DENND1B: variants seen among roughly 807,000 people sequenced by gnomAD.
DENND1B encodes the protein DENN domain-containing protein 1B.
DENND1B carries 59 observed loss-of-function variants against 90.1 expected under a neutral mutation model. The observed-to-expected ratio is 0.65, with a 90% CI of 0.53 to 0.81. The LOEUF (loss-of-function observed/expected upper bound fraction) is 0.81, where lower values mean the gene tolerates loss of function less well. Ranked by LOEUF, DENND1B falls within the 40% of genes least tolerant of loss-of-function variation. The probability of loss-of-function intolerance (pLI) is 0.00; values close to 1 mark genes in which losing one functional copy is unlikely to be tolerated. For synonymous variants in DENND1B, 337 were observed against 324.6 expected (o/e 1.04, Z -0.41); for missense variants, 862 against 912.6 (o/e 0.94, Z 0.71).
At chr1:197,577,547 A>C (rs189027274) in intron 15 of DENND1B, among the ~76,000 whole-genome samples, 9 of 152,336 alleles carry the variant, frequency 5.9e-5, no homozygotes, top group Admixed American at 5.9e-4. Context: ...ATGTATGGTA[A>C]GATGAGCAGA....
chr1:197,546,817 A>G (rs1284887501), intron 16 of DENND1B, 44 bp from the exon 17 acceptor site: 8 of 1,510,318 alleles, frequency 5.3e-6, no homozygotes, highest in Non-Finnish European at 7.1e-6. Flanking sequence ...TTGATCAAAA[A>G]TAAATCTGTA....
intron 20 of DENND1B, among the ~76,000 whole-genome samples, chr1:197,528,923 G>T (rs1669349606): frequency 6.6e-6 from 1 of 151,404 alleles, no homozygotes; most frequent in Admixed American, 6.6e-5. Context: ...AAAACTATTA[G>T]TCTGTATGTG....
At chr1:197,777,367 A>G (rs1157436874), upstream of DENND1B, among the ~76,000 whole-genome samples, 1 of 152,218 alleles carries the variant, frequency 6.6e-6, no homozygotes, top group Non-Finnish European at 1.5e-5. Flanking sequence ...ATCGAGGGAA[A>G]TACTACACAT....
At chr1:197,690,007 C>G (rs1222975325) in intron 3 of DENND1B, 1 of 156,406 alleles carries the variant, frequency 6.4e-6, no homozygotes, top group African/African-American at 2.4e-5. Flanking sequence ...GTGTCTGCCC[C>G]TACCTGATGT....
intron 18 of DENND1B, among the ~76,000 whole-genome samples, chr1:197,544,846 AGAG>A (rs1558221999): frequency 2.1e-5 from 3 of 146,190 alleles, no homozygotes; most frequent in East Asian, 2.1e-4. Context: ...AGGAGGAAGA[AGAG>A]GAAGAAGAGG....
intron 2 of DENND1B, among the ~76,000 whole-genome samples, chr1:197,754,752 G>A (rs988191642): frequency 6.6e-6 from 1 of 150,806 alleles, no homozygotes; most frequent in East Asian, 1.9e-4. Flanking sequence ...AATTGGTAAT[G>A]GTTAGATAAT....
intron 15 of DENND1B, among the ~76,000 whole-genome samples, chr1:197,567,913 C>A (rs1264823200): frequency 1.3e-5 from 2 of 151,504 alleles, no homozygotes; most frequent in Admixed American, 1.3e-4. Flanking sequence ...CTCACCATTT[C>A]TTTTAAACAC....
rs1032524882 is a variant in DENND1B, at chr1:197,522,223, G to A, written c.1516-9270C>T. Among the ~76,000 whole-genome samples the A allele has an allele frequency of 1.3e-4, 20 of 152,050 alleles. No homozygotes were observed. In the East Asian group the frequency reaches 3.5e-3, roughly 26 times the overall value. On this transcript the variant is annotated intron_variant, in intron 20 of 22. Coordinates refer to ENST00000620048, the MANE Select transcript of DENND1B (RefSeq NM_001195215.2). The stretch of plus-strand genomic sequence containing the variant: ...TTTGCGAAATATGCTGAAAACATAC[G>A]TGTCAGGGCAAAAAGGCAAACTGGA...
chr1:197,673,732 C>T (rs1408475475), intron 4 of DENND1B, among the ~76,000 whole-genome samples: 1 of 152,080 alleles, frequency 6.6e-6, no homozygotes, highest in Non-Finnish European at 1.5e-5. Context: ...CACAGATGGT[C>T]TTTTCAATGA....
At chr1:197,681,430 A>C (rs1656680906) in intron 3 of DENND1B, among the ~76,000 whole-genome samples, 1 of 152,144 alleles carries the variant, frequency 6.6e-6, no homozygotes, top group South Asian at 2.1e-4. Context: ...AGATATTTTC[A>C]ATTTAAGGGG....
chr1:197,753,616 T>G (rs569281888), intron 2 of DENND1B, among the ~76,000 whole-genome samples: 1 of 152,184 alleles, frequency 6.6e-6, no homozygotes, highest in East Asian at 1.9e-4. Context: ...GGGATGTTGA[T>G]AGTGAGGAAA....
intron 7 of DENND1B, among the ~76,000 whole-genome samples, chr1:197,649,278 G>C (rs1652842377): frequency 1.3e-5 from 2 of 152,144 alleles, no homozygotes; most frequent in Admixed American, 1.3e-4. Flanking sequence ...TATAGAAAAT[G>C]GGGAGCTACG....
At chr1:197,673,249 T>C (rs1376648917) in intron 4 of DENND1B, among the ~76,000 whole-genome samples, 3 of 152,058 alleles carry the variant, frequency 2.0e-5, no homozygotes, top group African/African-American at 7.2e-5. Context: ...TCTTCCTTAC[T>C]ATTAATATGA....
chr1:197,540,091 C>A lies in DENND1B; in HGVS notation c.1408-20G>T, dbSNP rs376958889. On this transcript the variant is annotated intron_variant, in intron 19 of 22. Coordinates refer to ENST00000620048, the MANE Select transcript of DENND1B (RefSeq NM_001195215.2). ...ATTTTCCTACACATGAAAAAATATA[C>A]AGGCAATAATTGTAAAGTACTCCTT... 1 of 1,547,460 alleles carries A rather than the reference C, an allele frequency of 6.5e-7. No homozygotes were observed. Among genetic ancestry groups the A allele is most frequent in the Non-Finnish European group, 8.9e-7 (1 of 1,127,562 alleles).
At chr1:197,580,890 A>G (rs1007567294) in intron 15 of DENND1B, among the ~76,000 whole-genome samples, 12 of 152,160 alleles carry the variant, frequency 7.9e-5, no homozygotes, top group African/African-American at 2.9e-4. Flanking sequence ...GGAGTTCTTT[A>G]AATATTACGT....
At chr1:197,541,096 T>G in intron 18 of DENND1B, 81 bp from the exon 19 acceptor site, 4 of 1,183,850 alleles carry the variant, frequency 3.4e-6, no homozygotes, top group Non-Finnish European at 3.7e-6. Context: ...TCAAATTTAA[T>G]GACAATTACT....
At chr1:197,726,229 C>T (rs954656142) in intron 2 of DENND1B, among the ~76,000 whole-genome samples, 5 of 152,002 alleles carry the variant, frequency 3.3e-5, no homozygotes, top group African/African-American at 1.2e-4. Context: ...CTGACGTGGA[C>T]CCAGTGATCT....
At chr1:197,610,291 C>T (rs1218019875) in intron 12 of DENND1B, among the ~76,000 whole-genome samples, 2 of 150,416 alleles carry the variant, frequency 1.3e-5, no homozygotes, top group Non-Finnish European at 3.0e-5. Flanking sequence ...TTTTAAGGAG[C>T]AAATAATTCT....
At chr1:197,595,101 T>C in intron 14 of DENND1B, 107 bp downstream of exon 14, 1 of 1,337,394 alleles carries the variant, frequency 7.5e-7, no homozygotes, top group South Asian at 1.6e-5. Flanking sequence ...AAGATTTCCA[T>C]GATATTTTTT....
Sources: allele counts gnomAD v4.1 joint callset (sites outside exome capture counted in the v4.1 genomes callset), GRCh38; gene constraint gnomAD v4.1.1; transcripts MANE v1.5; gene names NCBI Gene and HGNC (gene_info 2026-07-23, HGNC 2026-07-21).